Variants in RAB28 observed in about 807,000 individuals in gnomAD.
RAB28 encodes ras-related protein Rab-28.
In RAB28, 24 loss-of-function variants were observed where a neutral mutation model predicts 31.7. The observed-to-expected ratio is 0.76, with a 90% CI of 0.55 to 1.06. The LOEUF (loss-of-function observed/expected upper bound fraction) is 1.06. RAB28 is among the 50% of genes least tolerant of loss of function. The probability of loss-of-function intolerance (pLI) is 0.00; values close to 1 mark genes in which losing one functional copy is unlikely to be tolerated. For missense variants in RAB28, 254 were observed against 258.5 expected (o/e 0.98, Z 0.12); for synonymous variants, 100 against 90.4 (o/e 1.11, Z -0.60).
chr4:13,376,683 A>G lies in RAB28; in HGVS notation c.496-61T>C. On this transcript the variant is annotated intron_variant, in intron 5 of 6. Transcript: ENST00000330852. ...AGGCATGCTTAAGTTATCTTCAAATAAACAGAATTTTCTTAAAAATGATAA... is the reference window on the plus strand; with the variant it reads ...AGGCATGCTTAAGTTATCTTCAAATGAACAGAATTTTCTTAAAAATGATAA... The G allele has an allele frequency of 5.2e-6, 6 of 1,151,980 alleles. 1 individual carries two copies. In the South Asian group the frequency reaches 8.0e-5, roughly 15 times the overall value. 71.4% of individuals were successfully genotyped at this position (1,151,980 alleles called of 1,614,324 possible). A position where few individuals can be genotyped will look rare whatever the true frequency, so the allele number is the denominator to read the frequency against.
intron 4 of RAB28, among the ~76,000 whole-genome samples, chr4:13,433,465 C>T (rs764413845): frequency 6.6e-5 from 10 of 151,924 alleles, no homozygotes; most frequent in Non-Finnish European, 1.3e-4. Flanking sequence ...AACAAAGAAA[C>T]AAACAAACGA....
At chr4:13,415,711 C>T (rs1283101518) in intron 4 of RAB28, among the ~76,000 whole-genome samples, 1 of 152,180 alleles carries the variant, frequency 6.6e-6, no homozygotes, top group Non-Finnish European at 1.5e-5. Context: ...CCAACGAGCA[C>T]CATCCCCTGC....
intron 4 of RAB28, among the ~76,000 whole-genome samples, chr4:13,448,125 T>C (rs1300149140): frequency 6.6e-6 from 1 of 152,134 alleles, no homozygotes; most frequent in Non-Finnish European, 1.5e-5. Context: ...CAGTCTAGTA[T>C]TCCTTTAAAT....
At chr4:13,449,656 C>T (rs968677802) in intron 4 of RAB28, among the ~76,000 whole-genome samples, 3 of 151,894 alleles carry the variant, frequency 2.0e-5, no homozygotes, top group South Asian at 4.1e-4. Flanking sequence ...TTCTCTATGC[C>T]CTCATCTGTC....
chr4:13,472,392 T>G (rs988503670), intron 3 of RAB28, among the ~76,000 whole-genome samples: 13 of 150,972 alleles, frequency 8.6e-5, no homozygotes, highest in African/African-American at 2.2e-4. Context: ...AGTAATAAAT[T>G]TTAAATAATT....
chr4:13,373,392 C>T (rs989940742), intron 6 of RAB28, among the ~76,000 whole-genome samples: 1 of 152,082 alleles, frequency 6.6e-6, no homozygotes, highest in Non-Finnish European at 1.5e-5. Context: ...ATAAATGATG[C>T]AAATGAAACT....
chr4:13,477,199 C>CT (rs1227008105), intron 2 of RAB28, among the ~76,000 whole-genome samples: 8 of 151,574 alleles, frequency 5.3e-5, no homozygotes, highest in Non-Finnish European at 8.9e-5. Flanking sequence ...GCAGTAAAAT[C>CT]TGCACAGTGG....
chr4:13,475,076 C>G (rs909002795), intron 2 of RAB28, among the ~76,000 whole-genome samples: 2 of 151,614 alleles, frequency 1.3e-5, no homozygotes, highest in African/African-American at 2.4e-5. Flanking sequence ...CAAACCTGTT[C>G]AAAGTATTTC....
At chr4:13,470,120 C>CA (rs1283805468) in intron 3 of RAB28, among the ~76,000 whole-genome samples, 1 of 152,050 alleles carries the variant, frequency 6.6e-6, no homozygotes, top group Admixed American at 6.6e-5. Context: ...TTAACCTTCT[C>CA]AAAAAATGAA....
At chr4:13,385,340 G>A (rs1298198850) in intron 4 of RAB28, among the ~76,000 whole-genome samples, 4 of 152,076 alleles carry the variant, frequency 2.6e-5, no homozygotes, top group African/African-American at 9.7e-5. Flanking sequence ...TCAAATTCAG[G>A]AAATGAAGAG....
chr4:13,429,409 A>T (rs904582673), intron 4 of RAB28, among the ~76,000 whole-genome samples: 1 of 152,264 alleles, frequency 6.6e-6, no homozygotes, highest in Admixed American at 6.5e-5. Context: ...AAACTATTAG[A>T]GGAAATAAAC....
intron 4 of RAB28, among the ~76,000 whole-genome samples, chr4:13,453,541 A>T (rs534226318): frequency 3.8e-4 from 58 of 152,182 alleles, no homozygotes; most frequent in Non-Finnish European, 7.1e-4. Context: ...CAGTCTGGTG[A>T]CAATGAATTC....
Position 13,430,922 on chromosome 4 carries a change from G to A in RAB28, c.391+29777C>T, listed in dbSNP as rs1050895474. 6.6e-5 allele frequency among the ~76,000 whole-genome samples: 10 copies of A among 152,210 alleles called. 1 individual carries two copies. Among genetic ancestry groups the A allele is most frequent in the Admixed American group, 6.5e-4 (10 of 15,278 alleles). ...GCACCAACCACTGAATGGGCCAGCAGTGACACCCATGAAGAGACGTGGAGA... is the reference window on the plus strand; with the variant it reads ...GCACCAACCACTGAATGGGCCAGCAATGACACCCATGAAGAGACGTGGAGA... On this transcript the variant is annotated intron_variant, in intron 4 of 6. Transcript: ENST00000330852.
chr4:13,457,256 T>C (rs1439890361), intron 4 of RAB28, among the ~76,000 whole-genome samples: 2 of 152,170 alleles, frequency 1.3e-5, no homozygotes, highest in African/African-American at 4.8e-5. Context: ...GTTAATTGTA[T>C]TGCCTTTTAA....
At chr4:13,434,783 C>A (rs756878669) in intron 4 of RAB28, among the ~76,000 whole-genome samples, 6 of 152,190 alleles carry the variant, frequency 3.9e-5, no homozygotes, top group Middle Eastern at 3.4e-3. Context: ...CTTTGCGAGG[C>A]CAAGCTGGGC....
chr4:13,459,899 C>T (rs1455855877), intron 4 of RAB28: 3 of 1,289,164 alleles, frequency 2.3e-6, no homozygotes, highest in South Asian at 1.2e-5. Flanking sequence ...TGTTGCTGTT[C>T]TTCATAATCC....
intron 3 of RAB28, among the ~76,000 whole-genome samples, chr4:13,463,403 T>C (rs1715694082): frequency 6.6e-6 from 1 of 152,152 alleles, no homozygotes; most frequent in African/African-American, 2.4e-5. Flanking sequence ...ATGGGTCAAA[T>C]CTGGCCCACA....
intron 3 of RAB28, among the ~76,000 whole-genome samples, chr4:13,473,092 A>G (rs538291136): frequency 1.3e-5 from 2 of 152,112 alleles, no homozygotes; most frequent in African/African-American, 4.8e-5. Flanking sequence ...TAGCCTCTAT[A>G]GCCATACTGT....
chr4:13,370,318 G>A (rs1459459640), intron 6 of RAB28: 1 of 959,642 alleles, frequency 1.0e-6, no homozygotes, highest in Admixed American at 6.2e-5. Context: ...AGAAGACTGT[G>A]AAGAATTATG....
Sources: gnomAD v4.1 joint callset for allele counts (sites outside exome capture counted in the v4.1 genomes callset) on GRCh38, gnomAD v4.1.1 for gene constraint, MANE v1.5 for transcripts, NCBI Gene and HGNC (gene_info 2026-07-23, HGNC 2026-07-21) for gene names.